The following TUSC3 variants were observed in gnomAD, a reference collection of about 807,000 sequenced individuals.
TUSC3 encodes tumor suppressor candidate 3.
In TUSC3, 45 loss-of-function variants were observed where a neutral mutation model predicts 44.8. That is an observed-to-expected ratio of 1.00 (90% CI 0.79 to 1.29). The LOEUF (loss-of-function observed/expected upper bound fraction) is 1.29, where lower values mean the gene tolerates loss of function less well. Among genes scored for constraint, TUSC3 ranks in the 50% most tolerant of loss-of-function variants. TUSC3 has a pLI of 0.00. For synonymous variants in TUSC3, 212 were observed against 152.9 expected, an observed-to-expected ratio of 1.39 and a Z score of -2.85; for missense variants, 519 against 437.9, an observed-to-expected ratio of 1.19 and a Z score of -1.65.
chr8:15,477,103 T>G (rs1202639859), intron 1 of TUSC3, among the ~76,000 whole-genome samples: 1 of 152,184 alleles, frequency 6.6e-6, no homozygotes, highest in Non-Finnish European at 1.5e-5. Context: ...TAGTCTTCAG[T>G]CCTTTTGTTA....
At chr8:15,546,606 G>A (rs545464024) in intron 1 of TUSC3, among the ~76,000 whole-genome samples, 15 of 151,668 alleles carry the variant, frequency 9.9e-5, no homozygotes, top group African/African-American at 3.4e-4. Flanking sequence ...CGCAAACTTG[G>A]CTCACTGCAA....
intron 6 of TUSC3, among the ~76,000 whole-genome samples, chr8:15,714,348 AT>A (rs1334779371): frequency 6.6e-6 from 1 of 152,168 alleles, no homozygotes; most frequent in Admixed American, 6.6e-5. Context: ...TGTTGAAGTT[AT>A]TATGCCATCA....
At chr8:15,443,082 C>G (rs766851239) in intron 1 of TUSC3, among the ~76,000 whole-genome samples, 1 of 152,162 alleles carries the variant, frequency 6.6e-6, no homozygotes, top group Non-Finnish European at 1.5e-5. Flanking sequence ...GAGTTCAGCT[C>G]AGTTGTATAC....
At chr8:15,484,550 G>A (rs1800710637) in intron 2 of TUSC3, among the ~76,000 whole-genome samples, 2 of 152,300 alleles carry the variant, frequency 1.3e-5, no homozygotes, top group African/African-American at 4.8e-5. Flanking sequence ...TATCCAACAT[G>A]TCTATCTCTT....
intron 1 of TUSC3, among the ~76,000 whole-genome samples, chr8:15,474,796 G>T (rs1800552496): frequency 6.6e-6 from 1 of 152,156 alleles, no homozygotes; most frequent in Admixed American, 6.6e-5. Flanking sequence ...AGAAGTTGGT[G>T]TTTATTTCAC....
chr8:15,721,023 G>C (rs1810282468), intron 6 of TUSC3, among the ~76,000 whole-genome samples: 1 of 151,992 alleles, frequency 6.6e-6, no homozygotes, highest in South Asian at 2.1e-4. Context: ...ATCAAAAAAA[G>C]AAAATGTAAG....
At chr8:15,470,938 G>A (rs1338900713) in intron 1 of TUSC3, among the ~76,000 whole-genome samples, 2 of 151,890 alleles carry the variant, frequency 1.3e-5, no homozygotes, top group African/African-American at 4.8e-5. Context: ...CCTCAACCCT[G>A]CAATAAGTGA....
chr8:15,800,732 G>T, the TUSC3 span, among the ~76,000 whole-genome samples: 1 of 152,184 alleles, frequency 6.6e-6, no homozygotes, highest in Non-Finnish European at 1.5e-5. Context: ...TGCCTTCTTA[G>T]TATTTTATGC....
At chr8:15,700,553 A>G (rs1809353060) in intron 6 of TUSC3, among the ~76,000 whole-genome samples, 1 of 152,184 alleles carries the variant, frequency 6.6e-6, no homozygotes, top group South Asian at 2.1e-4. Context: ...AAGAAAGGCC[A>G]TATGCCTTGT....
intron 1 of TUSC3, chr8:15,483,253 G>A (rs1800686992): frequency 6.2e-6 from 1 of 162,096 alleles, no homozygotes; most frequent in East Asian, 1.7e-4. Flanking sequence ...ATATTCTTAA[G>A]CAACATGGGT....
chr8:15,466,447 A>G (rs1160632631), intron 1 of TUSC3, among the ~76,000 whole-genome samples: 1 of 152,186 alleles, frequency 6.6e-6, no homozygotes, highest in Non-Finnish European at 1.5e-5. Flanking sequence ...AAAGTCAAAG[A>G]TGAGTGCCCA....
intron 6 of TUSC3, among the ~76,000 whole-genome samples, chr8:15,706,595 A>G (rs1809624367): frequency 6.6e-6 from 1 of 152,084 alleles, no homozygotes; most frequent in African/African-American, 2.4e-5. Flanking sequence ...GCAGGAGTAG[A>G]GAAAAGATAA....
At chr8:15,578,299 C>G (rs1367137703) in intron 1 of TUSC3, among the ~76,000 whole-genome samples, 4 of 121,880 alleles carry the variant, frequency 3.3e-5, no homozygotes, top group Non-Finnish European at 5.0e-5. Flanking sequence ...AATTGAATAC[C>G]CTTTGTTTCC....
chr8:15,755,094 C>T (rs352794), intron 9 of TUSC3, among the ~76,000 whole-genome samples: 45,590 of 151,944 alleles, frequency 0.3, 7,893 homozygotes, highest in African/African-American at 0.45. Flanking sequence ...ATGAATCTGT[C>T]TCATGCCATT....
intron 1 of TUSC3, among the ~76,000 whole-genome samples, chr8:15,447,097 A>G (rs13256565): frequency 6.6e-6 from 1 of 152,106 alleles, no homozygotes; most frequent in African/African-American, 2.4e-5. Context: ...TGACAAGATG[A>G]CAATATAGGA....
At chr8:15,600,932 T>A (rs1804260973) in intron 1 of TUSC3, among the ~76,000 whole-genome samples, 1 of 151,720 alleles carries the variant, frequency 6.6e-6, no homozygotes. Flanking sequence ...GGAGAGCCAA[T>A]GTGTTCAGAT....
chr8:15,564,587 A>G (rs1039055725), intron 1 of TUSC3, among the ~76,000 whole-genome samples: 9 of 151,908 alleles, frequency 5.9e-5, no homozygotes, highest in Non-Finnish European at 1.0e-4. Flanking sequence ...ATTAGATTTT[A>G]TTATATTTCT....
At chr8:15,443,136 CA>C (rs1439361811) in intron 1 of TUSC3, among the ~76,000 whole-genome samples, 6 of 151,998 alleles carry the variant, frequency 3.9e-5, no homozygotes, top group Admixed American at 2.0e-4. Flanking sequence ...TAAAATCTGA[CA>C]TTTTTTTCTT....
rs1801321155 is a variant in TUSC3 at position 15,523,183 on chromosome 8, AT to A, written n.189+39702del. Among the ~76,000 whole-genome samples, 9 of 152,256 alleles carry A rather than the reference AT, an allele frequency of 5.9e-5. No individual in the cohort carries two copies. The South Asian group carries it at 1.9e-3, about 32-fold the overall frequency. Reference sequence around the variant, plus strand: ...TAATGGTCAATGGTTGCATGATGGCATTAATCCACTGCACCAGTGAGTGAGA... The same window carrying A: ...TAATGGTCAATGGTTGCATGATGGCATAATCCACTGCACCAGTGAGTGAGA... On this transcript the variant is annotated intron_variant and non_coding_transcript_variant, in intron 2 of 5. Transcript: ENST00000503191.
Sources: gnomAD v4.1 joint callset for allele counts (sites outside exome capture counted in the v4.1 genomes callset) on GRCh38, gnomAD v4.1.1 for gene constraint, MANE v1.5 for transcripts, NCBI Gene and HGNC (gene_info 2026-07-23, HGNC 2026-07-21) for gene names.